KCNT2: variants seen among roughly 807,000 people sequenced by gnomAD.
The protein encoded by KCNT2 is potassium sodium-activated channel subfamily T member 2.
In KCNT2, 67 loss-of-function variants were observed where a neutral mutation model predicts 153.8. The ratio of observed to expected loss-of-function variants is 0.44; its 90% confidence interval spans 0.36 to 0.53. The LOEUF (loss-of-function observed/expected upper bound fraction) is 0.53, where lower values mean the gene tolerates loss of function less well. Ranked by LOEUF, KCNT2 falls within the 20% of genes least tolerant of loss-of-function variation. The probability of loss-of-function intolerance (pLI) is 0.00; values close to 1 mark genes in which losing one functional copy is unlikely to be tolerated. For missense variants in KCNT2, 975 were observed against 1,354.8 expected (o/e 0.72, Z 4.40); for synonymous variants, 500 against 458.8 (o/e 1.09, Z -1.15).
At chr1:196,290,179 T>C (rs891562074) in intron 22 of KCNT2, among the ~76,000 whole-genome samples, 1 of 152,136 alleles carries the variant, frequency 6.6e-6, no homozygotes, top group African/African-American at 2.4e-5. Flanking sequence ...TCCTTCATTC[T>C]TTCCTCTGGA....
intron 12 of KCNT2, among the ~76,000 whole-genome samples, chr1:196,410,660 G>A (rs1055394626): frequency 3.7e-4 from 55 of 149,966 alleles, no homozygotes; most frequent in Middle Eastern, 3.2e-3. Flanking sequence ...AGTAGTAGTC[G>A]CTAACTTTCA....
chr1:196,425,393 CTA>C (rs61371263), intron 11 of KCNT2, among the ~76,000 whole-genome samples: 3,036 of 152,096 alleles, frequency 0.02, 92 homozygotes, highest in African/African-American at 0.069. Context: ...AACACAAGTG[CTA>C]TGTGTCCAAT....
intron 13 of KCNT2, among the ~76,000 whole-genome samples, chr1:196,373,933 A>G (rs1273203674): frequency 1.3e-5 from 2 of 151,896 alleles, no homozygotes; most frequent in Admixed American, 6.6e-5. Context: ...CATAAAAATA[A>G]TAGTGCTAGA....
At chr1:196,475,135 A>G (rs1678418455) in intron 5 of KCNT2, among the ~76,000 whole-genome samples, 2 of 152,238 alleles carry the variant, frequency 1.3e-5, no homozygotes, top group Non-Finnish European at 1.5e-5. Context: ...ATGTATACAC[A>G]TATAAGCATA....
At chr1:196,542,716 T>C (rs997283257) in intron 1 of KCNT2, among the ~76,000 whole-genome samples, 4 of 152,100 alleles carry the variant, frequency 2.6e-5, no homozygotes, top group East Asian at 3.9e-4. Context: ...CATAGATTTA[T>C]TGAATGCCTA....
At chr1:196,287,408 C>T (rs563739122) in intron 22 of KCNT2, among the ~76,000 whole-genome samples, 12 of 152,044 alleles carry the variant, frequency 7.9e-5, no homozygotes, top group Non-Finnish European at 1.3e-4. Flanking sequence ...AGTGCTGGAA[C>T]GCCTGAGAAT....
chr1:196,378,354 T>C (rs1366623576), intron 13 of KCNT2, among the ~76,000 whole-genome samples: 1 of 152,158 alleles, frequency 6.6e-6, no homozygotes, highest in Non-Finnish European at 1.5e-5. Flanking sequence ...TGCATATTGC[T>C]AGATTATTAG....
intron 14 of KCNT2, 68 bp downstream of exon 14, chr1:196,373,072 A>C (rs1016469895): frequency 1.3e-6 from 1 of 759,800 alleles, no homozygotes; most frequent in Non-Finnish European, 2.3e-6. Context: ...ATATTTTTAA[A>C]TCACATAACT....
chr1:196,353,680 G>A (rs1442888003), intron 14 of KCNT2, among the ~76,000 whole-genome samples: 1 of 151,840 alleles, frequency 6.6e-6, no homozygotes, highest in East Asian at 1.9e-4. Flanking sequence ...GGTATTTATT[G>A]GCAGAAAGAA....
At chr1:196,488,249 A>G (rs555202229) in intron 3 of KCNT2, among the ~76,000 whole-genome samples, 27 of 152,124 alleles carry the variant, frequency 1.8e-4, no homozygotes, top group Middle Eastern at 3.4e-3. Context: ...TCTTTGCTTA[A>G]TTAGCCTCAT....
At chr1:196,247,016 CTT>C (rs141880315) in intron 26 of KCNT2, among the ~76,000 whole-genome samples, 1 of 152,154 alleles carries the variant, frequency 6.6e-6, no homozygotes, top group African/African-American at 2.4e-5. Context: ...AAAAACAAGA[CTT>C]AATGATCTCT....
chr1:196,368,470 T>C (rs1178366440), intron 14 of KCNT2, among the ~76,000 whole-genome samples: 2 of 152,192 alleles, frequency 1.3e-5, no homozygotes, highest in Admixed American at 1.3e-4. Flanking sequence ...CCTAATGAAG[T>C]AGCAATCTCC....
At chr1:196,257,898 T>G in intron 26 of KCNT2, 1 of 973,688 alleles carries the variant, frequency 1.0e-6, no homozygotes, top group Non-Finnish European at 1.2e-6. Flanking sequence ...GGTTCTTTAC[T>G]TCTAACATGA....
intron 1 of KCNT2, among the ~76,000 whole-genome samples, chr1:196,598,096 C>A (rs1257192388): frequency 2.0e-5 from 3 of 152,068 alleles, no homozygotes; most frequent in African/African-American, 7.2e-5. Context: ...TGTGGATTAA[C>A]TAAAGTAGCA....
intron 22 of KCNT2, among the ~76,000 whole-genome samples, chr1:196,301,779 G>A (rs576561354): frequency 1.3e-3 from 201 of 151,830 alleles, no homozygotes; most frequent in Non-Finnish European, 2.0e-3. Flanking sequence ...TCTCTCTGTC[G>A]CCCAGGCTGG....
intron 12 of KCNT2, among the ~76,000 whole-genome samples, chr1:196,407,990 C>T (rs891607584): frequency 5.9e-5 from 9 of 151,340 alleles, no homozygotes; most frequent in East Asian, 2.0e-4. Flanking sequence ...TTACTTAGAA[C>T]GTTTATTTTA....
At chr1:196,259,273 C>T (rs138352337) in intron 25 of KCNT2, among the ~76,000 whole-genome samples, 1 of 152,214 alleles carries the variant, frequency 6.6e-6, no homozygotes, top group African/African-American at 2.4e-5. Context: ...ATGACTTACT[C>T]TTTTATGACT....
At position 196,228,239 on chromosome 1, in the gene KCNT2, C is replaced by T; in HGVS notation, c.3393G>A (p.Glu1131=). 4.4e-6 allele frequency: 7 copies of T among 1,603,552 alleles called. No homozygotes were observed. Among genetic ancestry groups the T allele is most frequent in the Non-Finnish European group, 5.1e-6 (6 of 1,172,292 alleles). The change falls in exon 28 of 28, where the codon GAG becomes GAA. Residue 1131 remains glutamate, a synonymous_variant. Transcript: ENST00000294725. ...ICNVTGQDSR[E]ETQL is the part of the protein sequence containing the mutation. ...TTTATTTTTATCAAAGTTGAGTTTC[C>T]TCCCGAGAATCTTGACCAGTGACAT...
At chr1:196,394,322 T>C (rs1324309564) in intron 13 of KCNT2, among the ~76,000 whole-genome samples, 1 of 151,488 alleles carries the variant, frequency 6.6e-6, no homozygotes, top group Admixed American at 6.6e-5. Context: ...GGGACTCTTT[T>C]GAAATAGCCT....
Sources: allele counts gnomAD v4.1 joint callset (sites outside exome capture counted in the v4.1 genomes callset), GRCh38; gene constraint gnomAD v4.1.1; transcripts MANE v1.5; gene names NCBI Gene and HGNC (gene_info 2026-07-23, HGNC 2026-07-21).